Variants in RSF1 observed in about 807,000 individuals in gnomAD.
The protein encoded by RSF1 is remodeling and spacing factor 1.
RSF1 carries 13 observed loss-of-function variants against 145.2 expected under a neutral mutation model. The observed-to-expected ratio is 0.09, with a 90% CI of 0.06 to 0.14. RSF1 has a LOEUF of 0.14. RSF1 is among the 10% of genes least tolerant of loss of function. The pLI, the probability that RSF1 is intolerant of heterozygous loss-of-function variation, is 1.00. For synonymous variants in RSF1, 577 were observed against 592.6 expected (o/e 0.97, Z 0.38); for missense variants, 1,517 against 1,718.2 (o/e 0.88, Z 2.07).
chr11:77,703,249 A>G (rs887317944), intron 5 of RSF1: 4 of 152,158 alleles, frequency 2.6e-5, no homozygotes, highest in Admixed American at 6.5e-5. Flanking sequence ...TTATCTGTCA[A>G]TTCTTCTTTA....
At chr11:77,768,805 A>G (rs976520951) in intron 1 of RSF1, among the ~76,000 whole-genome samples, 39 of 152,342 alleles carry the variant, frequency 2.6e-4, no homozygotes, top group Non-Finnish European at 5.3e-4. Flanking sequence ...TTTATTAAAC[A>G]TTAAAATCAC....
the RSF1 span, among the ~76,000 whole-genome samples, chr11:77,834,280 T>C: frequency 6.6e-6 from 1 of 152,126 alleles, no homozygotes; most frequent in East Asian, 1.9e-4. Context: ...CTAAACACTT[T>C]AGGTGGTTTT....
At chr11:77,772,179 C>CA (rs959492602) in intron 1 of RSF1, among the ~76,000 whole-genome samples, 1 of 146,648 alleles carries the variant, frequency 6.8e-6, no homozygotes, top group East Asian at 2.0e-4. Flanking sequence ...GTTTCTGACA[C>CA]TTTTTTTTTT....
At chr11:77,770,111 A>G (rs1055100378) in intron 1 of RSF1, among the ~76,000 whole-genome samples, 3 of 152,162 alleles carry the variant, frequency 2.0e-5, no homozygotes, top group Admixed American at 2.0e-4. Context: ...AGTTTTCTGA[A>G]AAGCAAAGAA....
intron 2 of RSF1, among the ~76,000 whole-genome samples, chr11:77,753,687 A>G (rs993617617): frequency 1.3e-5 from 2 of 152,226 alleles, no homozygotes; most frequent in East Asian, 3.8e-4. Context: ...AAGCCAAAAG[A>G]TTGGACTCCC....
chr11:77,683,638 T>C, intron 11 of RSF1, 72 bp downstream of exon 11: 1 of 911,964 alleles, frequency 1.1e-6, no homozygotes, highest in Non-Finnish European at 1.7e-6. Context: ...AAAAAGCATA[T>C]ACTTCTGGAT....
At chr11:77,820,130 G>A (rs1000918293) in intron 1 of RSF1, among the ~76,000 whole-genome samples, 14 of 152,162 alleles carry the variant, frequency 9.2e-5, no homozygotes, top group African/African-American at 3.4e-4. Flanking sequence ...GGGTGGGGAG[G>A]AGGAGAAAAG....
In RSF1 at chr11:77,701,651, T is replaced by C. The variant is rs1256849389; in HGVS notation, c.1578A>G (p.Lys526=). ...GAGGATCGGGTTCCTCTATTTGTGC[T>C]TTTTGACTATGGATCTCTAAGACTG... The part of the protein sequence containing the change: ...SISVLEIHSQ[K]AQIEEPDPPE... The change falls in exon 6 of 16, where the codon AAA becomes AAG. Residue 526 remains lysine, a synonymous_variant. Transcript: ENST00000308488. 3 of 1,613,964 alleles carry C rather than the reference T, an allele frequency of 1.9e-6. No homozygotes were observed. The highest frequency in any genetic ancestry group is 2.5e-6 in the Non-Finnish European group (3 of 1,179,996).
At chr11:77,804,093 T>C (rs529630888) in intron 1 of RSF1, among the ~76,000 whole-genome samples, 7 of 152,222 alleles carry the variant, frequency 4.6e-5, no homozygotes, top group African/African-American at 1.7e-4. Context: ...AAAACTGTCA[T>C]ACTGAGCAGT....
At chr11:77,727,578 G>A (rs2135889920) in intron 4 of RSF1, among the ~76,000 whole-genome samples, 1 of 146,964 alleles carries the variant, frequency 6.8e-6, no homozygotes, top group Admixed American at 7.1e-5. Context: ...CTGGGTTCAA[G>A]CGATTTTCCT....
the RSF1 span, among the ~76,000 whole-genome samples, chr11:77,846,064 CA>C: frequency 1.3e-5 from 2 of 151,624 alleles, no homozygotes; most frequent in African/African-American, 4.9e-5. Flanking sequence ...CACCGGAAAT[CA>C]ACTCCCCCTC....
chr11:77,810,809 A>G (rs1416958105), intron 1 of RSF1, among the ~76,000 whole-genome samples: 1 of 152,202 alleles, frequency 6.6e-6, no homozygotes, highest in Non-Finnish European at 1.5e-5. Flanking sequence ...ATGTATTTTC[A>G]AAAACAGAGA....
At chr11:77,693,722 TA>T (rs1252813095) in intron 7 of RSF1, 111 bp from the exon 8 acceptor site, 9 of 444,282 alleles carry the variant, frequency 2.0e-5, no homozygotes, top group Admixed American at 2.0e-4. Flanking sequence ...TCTATTTGCA[TA>T]AAGCTAGTAA....
At chr11:77,848,041 G>A in the RSF1 span, among the ~76,000 whole-genome samples, 1 of 152,158 alleles carries the variant, frequency 6.6e-6, no homozygotes. Context: ...CAACATAGGG[G>A]AGGGTAGTCT....
At chr11:77,743,623 T>C (rs1017385433) in intron 3 of RSF1, among the ~76,000 whole-genome samples, 4 of 152,152 alleles carry the variant, frequency 2.6e-5, no homozygotes, top group African/African-American at 9.7e-5. Flanking sequence ...GTTGGTAGAG[T>C]CTTTAGGATT....
intron 2 of RSF1, among the ~76,000 whole-genome samples, chr11:77,754,758 C>T (rs1456652372): frequency 1.3e-5 from 2 of 151,782 alleles, no homozygotes; most frequent in East Asian, 1.9e-4. Context: ...AAAGAAAACC[C>T]CCAAAAAACA....
intron 2 of RSF1, among the ~76,000 whole-genome samples, chr11:77,756,559 C>T (rs1948118474): frequency 6.6e-6 from 1 of 151,952 alleles, no homozygotes; most frequent in African/African-American, 2.4e-5. Context: ...GCTCGGATAC[C>T]ATGGTGAAGA....
At chr11:77,709,712 T>TTA (rs1960634567) in intron 5 of RSF1, among the ~76,000 whole-genome samples, 1 of 152,182 alleles carries the variant, frequency 6.6e-6, no homozygotes, top group Non-Finnish European at 1.5e-5. Context: ...TTTAAATGTT[T>TTA]TTTTATTTTT....
At chr11:77,752,794 C>T (rs1461166719) in intron 2 of RSF1, among the ~76,000 whole-genome samples, 2 of 152,090 alleles carry the variant, frequency 1.3e-5, no homozygotes, top group Admixed American at 1.3e-4. Context: ...GAGGTTAAAG[C>T]ATTCTAAGTC....
Sources: gnomAD v4.1 joint callset for allele counts (sites outside exome capture counted in the v4.1 genomes callset) on GRCh38, gnomAD v4.1.1 for gene constraint, MANE v1.5 for transcripts, NCBI Gene and HGNC (gene_info 2026-07-23, HGNC 2026-07-21) for gene names.